JAKMIP3: variants seen among roughly 807,000 people sequenced by gnomAD.
JAKMIP3 encodes the protein janus kinase and microtubule-interacting protein 3.
JAKMIP3 carries 58 observed loss-of-function variants against 118.5 expected under a neutral mutation model. That is an observed-to-expected ratio of 0.49 (90% CI 0.40 to 0.61). The LOEUF (loss-of-function observed/expected upper bound fraction) is 0.61. Among genes scored for constraint, JAKMIP3 ranks in the 20% least tolerant of loss-of-function variants. The probability of loss-of-function intolerance (pLI) is 0.00; values close to 1 mark genes in which losing one functional copy is unlikely to be tolerated. For missense variants in JAKMIP3, 950 were observed against 1,109.0 expected (o/e 0.86, Z 2.04); for synonymous variants, 486 against 451.2 (o/e 1.08, Z -0.98).
rs1022876362 is a variant in JAKMIP3, at chr10:132,183,051, G to A, written c.*1798G>A. 4 of 152,196 alleles carry A rather than the reference G, an allele frequency of 2.6e-5. No individual in the cohort carries two copies. The highest frequency in any genetic ancestry group is 1.9e-4 in the East Asian group (1 of 5,206). 9.4% of individuals were successfully genotyped at this position (152,196 alleles called of 1,614,324 possible). A position where few individuals can be genotyped will look rare whatever the true frequency, so the allele number is the denominator to read the frequency against. On this transcript the variant is annotated 3_prime_UTR_variant, in exon 24 of 24. Transcript: ENST00000684848. ...AGCCTGACCTCGGGGTTTGCGTCTC[G>A]AGTCTGAAATCCTGTTTAGTCCTCT... is the stretch of plus-strand genomic sequence containing the variant.
intron 1 of JAKMIP3, among the ~76,000 whole-genome samples, chr10:132,066,663 A>T (rs1427605060): frequency 1.3e-5 from 2 of 152,246 alleles, no homozygotes; most frequent in African/African-American, 4.8e-5. Flanking sequence ...CACATCACTC[A>T]TTGATATAAC....
intron 2 of JAKMIP3, among the ~76,000 whole-genome samples, chr10:132,108,582 A>G (rs1335187921): frequency 6.7e-6 from 1 of 149,456 alleles, no homozygotes; most frequent in Non-Finnish European, 1.5e-5. Flanking sequence ...TACCTCATTA[A>G]CTCGTCCCTC....
intron 1 of JAKMIP3, among the ~76,000 whole-genome samples, chr10:132,101,141 C>T (rs2044834109): frequency 6.6e-6 from 1 of 152,156 alleles, no homozygotes; most frequent in Admixed American, 6.5e-5. Flanking sequence ...ACTCCCAGGC[C>T]TGGGACGGGA....
In JAKMIP3 at chr10:132,092,281, T is replaced by G. The variant is rs1291507312; in HGVS notation, c.-137-12391T>G. ...CTTCTTGAGGAGTATCTTTGTGGTG[T>G]TCTCTGTATTTCCTGAATTTGAATG... On this transcript the variant is annotated intron_variant, in intron 1 of 23. Transcript: ENST00000684848. Among the ~76,000 whole-genome samples the G allele has an allele frequency of 8.5e-5, 13 of 152,148 alleles. No individual in the cohort carries two copies. In the East Asian group the frequency reaches 1.2e-3, roughly 14 times the overall value.
chr10:132,071,906 C>CTTTCTTCCCTTCCTTTCCTTCCT, intron 1 of JAKMIP3, among the ~76,000 whole-genome samples: 1 of 134,252 alleles, frequency 7.4e-6, no homozygotes, highest in African/African-American at 2.9e-5. Context: ...TCTTTCTTCC[C>CTTTCTTCCCTTCCTTTCCTTCCT]TTCCTTCCTT....
At chr10:132,088,506 T>G (rs570783678) in intron 1 of JAKMIP3, among the ~76,000 whole-genome samples, 495 of 152,374 alleles carry the variant, frequency 3.2e-3, no homozygotes, top group Middle Eastern at 6.8e-3. Flanking sequence ...AAATGTCTTC[T>G]TTTGAGAAGT....
In JAKMIP3 at chr10:132,118,414, A is replaced by C. The variant is rs753671927; in HGVS notation, c.633+840A>C. Among the ~76,000 whole-genome samples the C allele has an allele frequency of 4.5e-4, 69 of 152,330 alleles. 1 individual carries two copies. Among genetic ancestry groups the C allele is most frequent in the Non-Finnish European group, 6.8e-4 (46 of 68,020 alleles). ...GCTCTGTCTTAGAGGTGCGTGCCCC[A>C]GCCCTGTGCCTCTTCAGGACCCGGA... is the stretch of plus-strand genomic sequence containing the variant. On this transcript the variant is annotated intron_variant, in intron 3 of 23. Transcript: ENST00000684848. The surrounding 1 kb of genome is among the most constrained non-coding windows in gnomAD (Gnocchi z 4.8).
intron 1 of JAKMIP3, among the ~76,000 whole-genome samples, chr10:132,040,301 G>A (rs1335030786): frequency 6.6e-6 from 1 of 152,196 alleles, no homozygotes; most frequent in Non-Finnish European, 1.5e-5. Context: ...CTTGGCCTCA[G>A]ACTTCCAGCT....
chr10:132,180,572 T>TGTGTGC (rs2060783109), intron 23 of JAKMIP3, among the ~76,000 whole-genome samples: 1 of 29,442 alleles, frequency 3.4e-5, no homozygotes, highest in Non-Finnish European at 6.0e-5. Context: ...TGTGTGCGTG[T>TGTGTGC]GTGTGTGCGT....
chr10:132,069,576 TC>T (rs1203817296), intron 1 of JAKMIP3, among the ~76,000 whole-genome samples: 4 of 151,132 alleles, frequency 2.6e-5, no homozygotes, highest in African/African-American at 9.7e-5. Context: ...AGGTCTGGCA[TC>T]CCCCCCTGCG....
upstream of JAKMIP3, among the ~76,000 whole-genome samples, chr10:132,063,923 G>T (rs2038497912): frequency 6.6e-6 from 1 of 152,128 alleles, no homozygotes; most frequent in Non-Finnish European, 1.5e-5. Flanking sequence ...ACACACACAG[G>T]CACGCGTTTT....
At chr10:132,138,708 C>T (rs1437318520) in intron 9 of JAKMIP3, among the ~76,000 whole-genome samples, 1 of 152,178 alleles carries the variant, frequency 6.6e-6, no homozygotes, top group African/African-American at 2.4e-5. Flanking sequence ...GAAGAGGTGC[C>T]GGCTCTGGTG....
chr10:132,162,307 C>T (rs569712021), intron 19 of JAKMIP3, among the ~76,000 whole-genome samples: 2 of 152,364 alleles, frequency 1.3e-5, no homozygotes, highest in African/African-American at 2.4e-5. Context: ...CGTGTCACCA[C>T]GGAGGTCCTG....
intron 1 of JAKMIP3, among the ~76,000 whole-genome samples, chr10:132,071,906 C>CCTTCCCTTCCTTTCCTTCCT (rs2040002979): frequency 1.5e-5 from 2 of 134,158 alleles, no homozygotes; most frequent in Admixed American, 1.6e-4. Flanking sequence ...TCTTTCTTCC[C>CCTTCCCTTCCTTTCCTTCCT]TTCCTTCCTT....
intron 3 of JAKMIP3, among the ~76,000 whole-genome samples, chr10:132,127,638 C>T (rs117159150): frequency 0.015 from 2,275 of 152,222 alleles, 27 homozygotes; most frequent in Middle Eastern, 0.024. Context: ...TTGTGTTCTT[C>T]TCTCGCTGTT....
At chr10:132,093,507 G>A (rs1325517248) in intron 1 of JAKMIP3, among the ~76,000 whole-genome samples, 14 of 152,162 alleles carry the variant, frequency 9.2e-5, no homozygotes, top group Admixed American at 6.5e-4. Context: ...AGCAATGAGC[G>A]AGGCTCCGTG....
At chr10:132,092,462 A>G (rs1345816025) in intron 1 of JAKMIP3, among the ~76,000 whole-genome samples, 2 of 152,182 alleles carry the variant, frequency 1.3e-5, no homozygotes, top group African/African-American at 2.4e-5. Flanking sequence ...GGCTTCGTTC[A>G]TTTCTTTTTA....
chr10:132,169,841 T>A (rs1013072434), intron 23 of JAKMIP3: 3 of 152,138 alleles, frequency 2.0e-5, no homozygotes, highest in African/African-American at 7.3e-5. Flanking sequence ...AGCTCCATCT[T>A]CACCCTTGAC....
rs1211080980 is a variant in JAKMIP3, at chr10:132,180,638, CGT to C, written c.*1104-1713_*1104-1712del. ...GTGCGTGTGTGTGCGTGTGTGCGTG[CGT>C]GTGTGCGTGTGCGTGTGCGTGTGTG... On this transcript the variant is annotated intron_variant, in intron 23 of 23. Transcript: ENST00000684848. Among the ~76,000 whole-genome samples, 91 of 9,368 alleles carry C rather than the reference CGT, an allele frequency of 9.7e-3. 13 individuals are homozygous for C. Among genetic ancestry groups the C allele is most frequent in the Admixed American group, 0.029 (20 of 688 alleles). 6.1% of individuals were successfully genotyped at this position (9,368 alleles called of 152,430 possible). A position where few individuals can be genotyped will look rare whatever the true frequency, so the allele number is the denominator to read the frequency against.
Sources: gnomAD v4.1 joint callset for allele counts (sites outside exome capture counted in the v4.1 genomes callset) on GRCh38, gnomAD v4.1.1 for gene constraint, Gnocchi (gnomAD v3.1) non-coding constraint, MANE v1.5 for transcripts, NCBI Gene and HGNC (gene_info 2026-07-23, HGNC 2026-07-21) for gene names.